The following LOXHD1 variants were observed in gnomAD, a reference collection of about 807,000 sequenced individuals.
LOXHD1 encodes lipoxygenase homology domain-containing protein 1.
In LOXHD1, 205 loss-of-function variants were observed where a neutral mutation model predicts 248.2. The observed-to-expected ratio is 0.83, with a 90% confidence interval of 0.74 to 0.93. The LOEUF (loss-of-function observed/expected upper bound fraction) is 0.93. LOXHD1 is among the 40% of genes least tolerant of loss of function. The pLI is 0.00. For missense variants in LOXHD1, 2,930 were observed against 2,971.6 expected, an observed-to-expected ratio of 0.99 and a Z score of 0.33; for synonymous variants, 1,113 against 1,162.8, an observed-to-expected ratio of 0.96 and a Z score of 0.87.
At chr18:46,592,399 A>G in intron 11 of LOXHD1, 99 bp downstream of exon 11, 1 of 1,064,216 alleles carries the variant, frequency 9.4e-7, no homozygotes, top group Non-Finnish European at 1.4e-6. Context: ...CCTATTCACA[A>G]TAAATACAGA....
intron 12 of LOXHD1, among the ~76,000 whole-genome samples, chr18:46,590,054 T>C (rs1249648264): frequency 1.3e-5 from 2 of 152,216 alleles, no homozygotes; most frequent in African/African-American, 4.8e-5. Context: ...GCGACAAGTT[T>C]AGAGAACAAC....
intron 4 of LOXHD1, among the ~76,000 whole-genome samples, chr18:46,636,030 G>A (rs1828962): frequency 1.3e-5 from 2 of 152,100 alleles, no homozygotes; most frequent in African/African-American, 4.8e-5. Flanking sequence ...CAAATGTAGC[G>A]ATTTCCACCA....
At chr18:46,620,893 A>G (rs936001990) in intron 4 of LOXHD1, among the ~76,000 whole-genome samples, 1 of 152,192 alleles carries the variant, frequency 6.6e-6, no homozygotes, top group Admixed American at 6.5e-5. Flanking sequence ...CGCACACGGG[A>G]CTTTGGGAAC....
chr18:46,485,143 T>A lies in LOXHD1; in HGVS notation c.6058A>T (p.Ile2020Phe). The change falls in exon 39 of 41, where the codon ATC becomes TTC. Residue 2020 changes from isoleucine to phenylalanine, a missense_variant. Ile to Phe is a conservative substitution (Grantham distance 21). Coordinates refer to ENST00000642948, the MANE Select transcript of LOXHD1 (RefSeq NM_001384474.1). ...CDELEETTYE[I>F]VIETGNGGET... ...CCTCCGTTGCCCGTTTCTATGACGATCTCGTAGGCTGTAATGGAGGAGGTG... is the reference window on the plus strand; with the variant it reads ...CCTCCGTTGCCCGTTTCTATGACGAACTCGTAGGCTGTAATGGAGGAGGTG... 1.9e-6 allele frequency: 3 copies of A among 1,549,132 alleles called. No homozygotes were observed. Among genetic ancestry groups the A allele is most frequent in the Non-Finnish European group, 2.6e-6 (3 of 1,146,154 alleles).
chr18:46,640,853 C>T (rs937242971), intron 3 of LOXHD1, among the ~76,000 whole-genome samples: 2 of 152,166 alleles, frequency 1.3e-5, no homozygotes, highest in African/African-American at 4.8e-5. Flanking sequence ...AGTTTCTTGA[C>T]CCCTGGACCT....
chr18:46,639,579 A>T (rs2038936466), intron 4 of LOXHD1, 37 bp downstream of exon 4: 1 of 1,532,644 alleles, frequency 6.5e-7, no homozygotes, highest in South Asian at 1.2e-5. Flanking sequence ...CAGCCCAGCT[A>T]GGGAGGGATG....
At chr18:46,608,719 A>G (rs2038459880) in intron 6 of LOXHD1, among the ~76,000 whole-genome samples, 1 of 152,124 alleles carries the variant, frequency 6.6e-6, no homozygotes, top group Non-Finnish European at 1.5e-5. Context: ...GCCTCCTGGT[A>G]CCCTCCAGGC....
At chr18:46,557,302 G>A in intron 21 of LOXHD1, 54 bp downstream of exon 21, 2 of 1,549,926 alleles carry the variant, frequency 1.3e-6, no homozygotes, top group South Asian at 2.4e-5. Flanking sequence ...CTCTGTGGCA[G>A]ACATGGCCTC....
At chr18:46,630,579 C>T (rs2038807305) in intron 4 of LOXHD1, among the ~76,000 whole-genome samples, 1 of 152,216 alleles carries the variant, frequency 6.6e-6, no homozygotes, top group South Asian at 2.1e-4. Context: ...ACTCAGATGT[C>T]TCGCCCAACC....
rs1220335121 is a variant in LOXHD1 at position 46,577,822 on chromosome 18, G to A, written c.1855C>T (p.Arg619Trp). 8.4e-6 allele frequency: 13 copies of A among 1,551,414 alleles called. No individual in the cohort carries two copies. Among genetic ancestry groups the A allele is most frequent in the South Asian group, 4.8e-5 (4 of 84,038 alleles). ...IESVTMRNVR[R>W]VRIRHDGKGS... is the part of the protein sequence containing the mutation. ...TTGCCATCGTGTCTGATCCTCACCC[G>A]CCTCACATTCCGCATGGTGACAGAC... is the stretch of plus-strand genomic sequence containing the variant. The change falls in exon 14 of 41, where the codon CGG becomes TGG. Residue 619 changes from arginine (R) to tryptophan (W), a missense_variant. Arg to Trp is a moderately radical substitution (Grantham distance 101, BLOSUM62 -3). Transcript: ENST00000642948.
intron 38 of LOXHD1, among the ~76,000 whole-genome samples, chr18:46,486,153 C>G (rs1271130105): frequency 6.6e-6 from 1 of 152,086 alleles, no homozygotes; most frequent in Non-Finnish European, 1.5e-5. Context: ...AGGGACCAGA[C>G]CAGGGATGGA....
At chr18:46,607,643 GAA>G (rs1010359121) in intron 6 of LOXHD1, among the ~76,000 whole-genome samples, 46 of 151,604 alleles carry the variant, frequency 3.0e-4, no homozygotes, top group Middle Eastern at 3.4e-3. Flanking sequence ...AGTTTTATAA[GAA>G]AAAATAATTA....
At chr18:46,607,478 T>C (rs2038435523) in intron 6 of LOXHD1, among the ~76,000 whole-genome samples, 2 of 150,374 alleles carry the variant, frequency 1.3e-5, no homozygotes, top group East Asian at 1.9e-4. Flanking sequence ...TACATATATA[T>C]AGGTGATAAG....
Position 46,507,667 on chromosome 18 carries a change from A to G in LOXHD1, c.5563T>C (p.Tyr1855His). Residue 1855 changes from tyrosine (Y) to histidine (H), a missense_variant, in exon 36 of 41, where the codon TAT (tyrosine) becomes CAT (histidine). Tyr to His is a moderately conservative substitution (Grantham distance 83, BLOSUM62 2). Coordinates refer to ENST00000642948, the MANE Select transcript of LOXHD1 (RefSeq NM_001384474.1). The stretch of plus-strand genomic sequence containing the variant: ...TTCCGCTGGGACAGCCAGTCTCCAT[A>G]GTAGAACATGGTCAGGTCTCCAGTG... ...MNTGDLTMFY[Y>H]GDWLSQRKGK... 1.9e-6 allele frequency: 3 copies of G among 1,551,732 alleles called. No individual in the cohort carries two copies. Among genetic ancestry groups the G allele is most frequent in the Non-Finnish European group, 2.6e-6 (3 of 1,146,990 alleles).
intron 37 of LOXHD1, among the ~76,000 whole-genome samples, chr18:46,490,702 C>T (rs1326587407): frequency 1.3e-5 from 2 of 152,170 alleles, no homozygotes; most frequent in African/African-American, 4.8e-5. Context: ...CTCGAACTCC[C>T]GAACTCAGGT....
rs951324399 is a variant in LOXHD1, at chr18:46,477,406, C to T, written c.*66G>A. Reference sequence around the variant, plus strand: ...CTAGAGGCTTTGAAGGGCTGCTGACCGCCAAGGTGGAGGGCAGAAATGTGA... The same window carrying T: ...CTAGAGGCTTTGAAGGGCTGCTGACTGCCAAGGTGGAGGGCAGAAATGTGA... On this transcript the variant is annotated 3_prime_UTR_variant, in exon 41 of 41. Transcript: ENST00000642948. 173 of 1,526,128 alleles carry T rather than the reference C, an allele frequency of 1.1e-4. No homozygotes were observed. The highest frequency in any genetic ancestry group is 1.4e-4 in the South Asian group (11 of 79,610). The allele number at this position is 1,526,128 out of a possible 1,614,324, so 94.5% of individuals were successfully genotyped here.
At chr18:46,562,842 G>T (rs576385951) in intron 18 of LOXHD1, among the ~76,000 whole-genome samples, 5 of 152,138 alleles carry the variant, frequency 3.3e-5, no homozygotes, top group Non-Finnish European at 7.4e-5. Context: ...AGCTCCCCAG[G>T]TGACTGTAAC....
At chr18:46,573,022 CAAAAAAAAA>C (rs71162809) in intron 14 of LOXHD1, among the ~76,000 whole-genome samples, 1 of 57,376 alleles carries the variant, frequency 1.7e-5, no homozygotes, top group Non-Finnish European at 2.9e-5. Flanking sequence ...GACTCCGTCT[CAAAAAAAAA>C]AAAAAAAAAA....
intron 38 of LOXHD1, among the ~76,000 whole-genome samples, chr18:46,485,989 T>C (rs1598818511): frequency 6.6e-6 from 1 of 151,838 alleles, no homozygotes; most frequent in East Asian, 1.9e-4. Context: ...CCCCCACCCA[T>C]AGTGGCGTGG....
Sources: allele counts gnomAD v4.1 joint callset (sites outside exome capture counted in the v4.1 genomes callset), GRCh38; gene constraint gnomAD v4.1.1; transcripts MANE v1.5; gene names NCBI Gene and HGNC (gene_info 2026-07-23, HGNC 2026-07-21).